The following CCDC91 variants were observed in gnomAD, a reference collection of about 807,000 sequenced individuals.
The protein encoded by CCDC91 is coiled-coil domain containing 91.
Under a neutral mutation model 63.2 loss-of-function variants are expected in CCDC91, and 48 were observed. The observed-to-expected ratio is 0.76, with a 90% CI of 0.60 to 0.97. The LOEUF (loss-of-function observed/expected upper bound fraction) is 0.97, where lower values mean the gene tolerates loss of function less well. CCDC91 is among the 50% of genes least tolerant of loss of function. The probability of loss-of-function intolerance (pLI) is 0.00; values close to 1 mark genes in which losing one functional copy is unlikely to be tolerated. For missense variants in CCDC91, 500 were observed against 494.6 expected (o/e 1.01, Z -0.10); for synonymous variants, 167 against 165.8 (o/e 1.01, Z -0.06).
At chr12:28,503,189 C>CA (rs780078244) in intron 12 of CCDC91, among the ~76,000 whole-genome samples, 4 of 152,042 alleles carry the variant, frequency 2.6e-5, no homozygotes, top group Non-Finnish European at 4.4e-5. Context: ...ACTAATCTGA[C>CA]AAAGGGCTAA....
At chr12:28,375,559 C>A (rs1367788841) in intron 7 of CCDC91, among the ~76,000 whole-genome samples, 1 of 151,820 alleles carries the variant, frequency 6.6e-6, no homozygotes, top group East Asian at 1.9e-4. Flanking sequence ...AGAAAACAAA[C>A]AAAACTAACC....
chr12:28,248,567 T>C (rs1945915313), intron 1 of CCDC91, among the ~76,000 whole-genome samples: 1 of 152,194 alleles, frequency 6.6e-6, no homozygotes, highest in Non-Finnish European at 1.5e-5. Flanking sequence ...TAGTCTTATA[T>C]AGCATGAAGT....
chr12:28,510,918 C>A (rs1300562365), intron 12 of CCDC91, among the ~76,000 whole-genome samples: 1 of 151,956 alleles, frequency 6.6e-6, no homozygotes, highest in South Asian at 2.1e-4. Flanking sequence ...CATCACCTGC[C>A]ACATTTGCTC....
intron 11 of CCDC91, among the ~76,000 whole-genome samples, chr12:28,469,118 T>C (rs1417860313): frequency 2.0e-5 from 3 of 151,944 alleles, no homozygotes; most frequent in Admixed American, 6.6e-5. Flanking sequence ...ATAAAAGGCA[T>C]CCAAACTGGA....
intron 1 of CCDC91, among the ~76,000 whole-genome samples, chr12:28,248,074 C>G (rs1482049922): frequency 6.6e-6 from 1 of 152,094 alleles, no homozygotes. Flanking sequence ...TTGGGGACCC[C>G]TGCTCTCGGA....
chr12:28,331,063 A>AAGAT (rs1941462575), intron 6 of CCDC91, among the ~76,000 whole-genome samples: 1 of 152,204 alleles, frequency 6.6e-6, no homozygotes, highest in African/African-American at 2.4e-5. Flanking sequence ...TGTTTTCAAT[A>AAGAT]AGATATCTAA....
intron 8 of CCDC91, among the ~76,000 whole-genome samples, chr12:28,397,335 A>G (rs1220374180): frequency 6.6e-6 from 1 of 152,218 alleles, no homozygotes; most frequent in Non-Finnish European, 1.5e-5. Context: ...AAAGAAACAG[A>G]TGACAAGTCT....
chr12:28,518,909 C>T lies in CCDC91; in HGVS notation c.1216-30154C>T, dbSNP rs199723991. Among the ~76,000 whole-genome samples the T allele has an allele frequency of 1.4e-4, 22 of 151,956 alleles. No homozygotes were observed. The East Asian group carries it at 3.3e-3, about 23-fold the overall frequency. ...TCCCAGCACCATTTGTTGAATAGGG[C>T]GTCTTTTCCCCACTTCATATTTTTG... On this transcript the variant is annotated intron_variant, in intron 12 of 12. Coordinates refer to ENST00000536442, the MANE Select transcript of CCDC91 (RefSeq NM_018318.5).
At chr12:28,485,234 C>T (rs11049660) in intron 12 of CCDC91, among the ~76,000 whole-genome samples, 16,529 of 151,772 alleles carry the variant, frequency 0.11, 2,426 homozygotes, top group African/African-American at 0.34. Context: ...TCTCCGCTCA[C>T]TGTAACCTCT....
At chr12:28,238,195 T>A (rs1326479622) in intron 1 of CCDC91, among the ~76,000 whole-genome samples, 2 of 152,196 alleles carry the variant, frequency 1.3e-5, no homozygotes, top group African/African-American at 4.8e-5. Context: ...AGTTGATATC[T>A]GTTCTATATA....
chr12:28,209,921 G>T (rs1404746166), intron 1 of CCDC91, among the ~76,000 whole-genome samples: 3 of 151,938 alleles, frequency 2.0e-5, no homozygotes, highest in African/African-American at 7.3e-5. Flanking sequence ...TCAATTATAT[G>T]TTAAAATGGT....
chr12:28,453,123 C>T lies in CCDC91; in HGVS notation c.1101+469C>T, dbSNP rs555858001. Among the ~76,000 whole-genome samples the T allele has an allele frequency of 7.2e-5, 11 of 151,968 alleles. No individual in the cohort carries two copies. In the East Asian group the frequency reaches 2.1e-3, roughly 29 times the overall value. On this transcript the variant is annotated intron_variant, in intron 11 of 12. Transcript: ENST00000536442. ...GGTAACAATAATTAATAAAACCTCACAAATATTCCCTATAGTCTCATAAAG... is the reference window on the plus strand; with the variant it reads ...GGTAACAATAATTAATAAAACCTCATAAATATTCCCTATAGTCTCATAAAG...
chr12:28,431,102 A>ATC (rs1948602436), intron 8 of CCDC91, among the ~76,000 whole-genome samples: 1 of 152,200 alleles, frequency 6.6e-6, no homozygotes, highest in Admixed American at 6.6e-5. Context: ...AGAATTATAT[A>ATC]TCACACACAC....
intron 7 of CCDC91, among the ~76,000 whole-genome samples, chr12:28,372,906 T>A (rs1166093973): frequency 1.3e-5 from 2 of 152,164 alleles, no homozygotes; most frequent in Admixed American, 6.5e-5. Context: ...TTGTCTTGTT[T>A]CAGGTCTTAG....
intron 8 of CCDC91, among the ~76,000 whole-genome samples, chr12:28,392,308 G>A (rs1161808705): frequency 2.0e-5 from 3 of 152,106 alleles, no homozygotes; most frequent in African/African-American, 7.2e-5. Flanking sequence ...GGACTTGGTT[G>A]TGCCCTAAAC....
At chr12:28,225,040 T>C (rs1479647420) in intron 1 of CCDC91, among the ~76,000 whole-genome samples, 1 of 152,196 alleles carries the variant, frequency 6.6e-6, no homozygotes, top group Non-Finnish European at 1.5e-5. Context: ...GTTGAAGAAT[T>C]AGGACTAGAG....
At chr12:28,358,041 A>G (rs1943633440) in intron 6 of CCDC91, among the ~76,000 whole-genome samples, 2 of 152,192 alleles carry the variant, frequency 1.3e-5, no homozygotes, top group African/African-American at 2.4e-5. Context: ...GATTGCCATT[A>G]GTAACTTTGA....
At chr12:28,218,523 A>G (rs146149052) in intron 1 of CCDC91, among the ~76,000 whole-genome samples, 1 of 152,240 alleles carries the variant, frequency 6.6e-6, no homozygotes, top group East Asian at 1.9e-4. Flanking sequence ...ATATTTACAT[A>G]TGAGAAACCA....
At chr12:28,494,412 G>T (rs1436469413) in intron 12 of CCDC91, among the ~76,000 whole-genome samples, 1 of 151,692 alleles carries the variant, frequency 6.6e-6, no homozygotes, top group Non-Finnish European at 1.5e-5. Context: ...GTAGCAGGAG[G>T]TACAAGGTGC....
Sources: gnomAD v4.1 joint callset for allele counts (sites outside exome capture counted in the v4.1 genomes callset) on GRCh38, gnomAD v4.1.1 for gene constraint, MANE v1.5 for transcripts, NCBI Gene and HGNC (gene_info 2026-07-23, HGNC 2026-07-21) for gene names.